PADI4: variants seen among roughly 807,000 people sequenced by gnomAD.
PADI4 encodes the protein protein-arginine deiminase type-4.
In PADI4, 62 loss-of-function variants were observed where a neutral mutation model predicts 75.0. The observed-to-expected ratio is 0.83, with a 90% CI of 0.67 to 1.02. The LOEUF (loss-of-function observed/expected upper bound fraction) is 1.02. PADI4 is among the 50% of genes least tolerant of loss of function. PADI4 has a pLI of 0.00. For synonymous variants in PADI4, 361 were observed against 348.1 expected (o/e 1.04, Z -0.41); for missense variants, 845 against 850.5 (o/e 0.99, Z 0.08).
chr1:17,324,007 T>A (rs947331030), intron 1 of PADI4, among the ~76,000 whole-genome samples: 1 of 152,214 alleles, frequency 6.6e-6, no homozygotes. Flanking sequence ...AGACCATGTT[T>A]CATTGTTCAC....
chr1:17,359,413 G>C lies in PADI4; in HGVS notation c.1758+5G>C. On this transcript the variant is annotated splice_donor_5th_base_variant and intron_variant, in intron 15 of 15. Coordinates refer to ENST00000375448, the MANE Select transcript of PADI4 (RefSeq NM_012387.3). ...GAAGCTTTTTTCCCCAACATGGTGA[G>C]GAGGTGGCGGCTTTAAAACCCCAGG... 6.2e-7 allele frequency: 1 copy of C among 1,614,054 alleles called. No homozygotes were observed. Among genetic ancestry groups the C allele is most frequent in the Non-Finnish European group, 8.5e-7 (1 of 1,179,964 alleles).
intron 11 of PADI4, among the ~76,000 whole-genome samples, chr1:17,355,068 T>C (rs1216430632): frequency 6.6e-6 from 1 of 152,138 alleles, no homozygotes; most frequent in Non-Finnish European, 1.5e-5. Context: ...ACGGGAGGAA[T>C]AGGAACTGTT....
chr1:17,314,331 A>G (rs1350937171), intron 1 of PADI4, among the ~76,000 whole-genome samples: 1 of 152,174 alleles, frequency 6.6e-6, no homozygotes, highest in Non-Finnish European at 1.5e-5. Context: ...AAGGAAAACA[A>G]CAGCACACAG....
chr1:17,351,965 G>A (rs866427043), intron 10 of PADI4, among the ~76,000 whole-genome samples: 1,626 of 65,868 alleles, frequency 0.025, 63 homozygotes, highest in African/African-American at 0.039. Context: ...GAGGAGAGGC[G>A]GCCAGGGAGG....
intron 1 of PADI4, among the ~76,000 whole-genome samples, chr1:17,325,091 A>T (rs1308285226): frequency 6.6e-6 from 1 of 152,248 alleles, no homozygotes; most frequent in Non-Finnish European, 1.5e-5. Context: ...TGACCAACTT[A>T]GTTCCTGGAT....
chr1:17,356,930 A>T lies in PADI4; in HGVS notation c.1558+471A>T, dbSNP rs2074770366. The stretch of plus-strand genomic sequence containing the variant: ...AGCACAGATGAAATATTACTCTCTC[A>T]GCAGAGCTCACAGACATGGGCCAGG... On this transcript the variant is annotated intron_variant, in intron 13 of 15. Coordinates refer to ENST00000375448, the MANE Select transcript of PADI4 (RefSeq NM_012387.3). This position sits in a 1 kb window ranked among gnomAD's most constrained non-coding sequence, Gnocchi z 4.1. 6.6e-6 allele frequency among the ~76,000 whole-genome samples: 1 copy of T among 152,212 alleles called. No homozygotes were observed. The highest frequency in any genetic ancestry group is 1.5e-5 in the Non-Finnish European group (1 of 68,024).
intron 1 of PADI4, among the ~76,000 whole-genome samples, chr1:17,321,043 G>A (rs961885702): frequency 6.6e-6 from 1 of 152,158 alleles, no homozygotes; most frequent in Non-Finnish European, 1.5e-5. Flanking sequence ...CTAGGGTGTG[G>A]TCATCTTTGG....
At chr1:17,332,631 T>G (rs2074234857) in intron 2 of PADI4, among the ~76,000 whole-genome samples, 1 of 152,140 alleles carries the variant, frequency 6.6e-6, no homozygotes, top group African/African-American at 2.4e-5. Flanking sequence ...AGGATATGGA[T>G]GTATCTTTTT....
At chr1:17,355,545 A>C (rs1394924749) in intron 11 of PADI4, among the ~76,000 whole-genome samples, 2 of 152,140 alleles carry the variant, frequency 1.3e-5, no homozygotes, top group Non-Finnish European at 2.9e-5. Flanking sequence ...TCTCAAAAAA[A>C]AAAAAAAAAG....
chr1:17,339,331 G>A (rs564625075), intron 5 of PADI4, among the ~76,000 whole-genome samples: 3 of 152,120 alleles, frequency 2.0e-5, no homozygotes, highest in East Asian at 1.9e-4. Flanking sequence ...AATCTCAGCC[G>A]AGCGCCTGCC....
Position 17,338,084 on chromosome 1 carries a change from T to A in PADI4, c.455T>A (p.Val152Glu). 8 of 1,613,760 alleles carry A rather than the reference T, an allele frequency of 5.0e-6. No individual in the cohort carries two copies. Among genetic ancestry groups the A allele is most frequent in the Non-Finnish European group, 6.8e-6 (8 of 1,179,776 alleles). ...GPCGQGAILLVNCDRDNLESS... is the reference protein window; with the variant it reads ...GPCGQGAILLENCDRDNLESS... Reference sequence around the variant, plus strand: ...TGTGGACAGGGTGCCATCCTGCTGGTGAACTGTGACAGAGACAATCTCGAA... The same window carrying A: ...TGTGGACAGGGTGCCATCCTGCTGGAGAACTGTGACAGAGACAATCTCGAA... Residue 152 changes from valine (V) to glutamate (E), a missense_variant, in exon 5 of 16, where the codon GTG becomes GAG. Coordinates refer to ENST00000375448, the MANE Select transcript of PADI4 (RefSeq NM_012387.3).
intron 1 of PADI4, among the ~76,000 whole-genome samples, chr1:17,309,142 T>A (rs1340781058): frequency 6.4e-5 from 1 of 15,660 alleles, no homozygotes; most frequent in Non-Finnish European, 6.4e-4. Context: ...CTCAGTTCTA[T>A]GTTAAAAAAA....
At chr1:17,326,981 G>C (rs2074127266) in intron 1 of PADI4, among the ~76,000 whole-genome samples, 2 of 146,986 alleles carry the variant, frequency 1.4e-5, no homozygotes, top group South Asian at 4.3e-4. Flanking sequence ...TGCAATATTG[G>C]CTCACTGCAA....
chr1:17,355,720 C>G (rs16825849), intron 11 of PADI4, among the ~76,000 whole-genome samples: 4,937 of 152,304 alleles, frequency 0.032, 244 homozygotes, highest in African/African-American at 0.11. Flanking sequence ...AGCATCTCAT[C>G]TAACTCAAGA....
intron 8 of PADI4, among the ~76,000 whole-genome samples, chr1:17,342,952 G>A (rs2100745002): frequency 6.6e-6 from 1 of 152,314 alleles, no homozygotes; most frequent in Non-Finnish European, 1.5e-5. Flanking sequence ...TCCAGCCTGG[G>A]CAACACAGTG....
At chr1:17,310,924 C>G (rs1291475877) in intron 1 of PADI4, among the ~76,000 whole-genome samples, 1 of 152,190 alleles carries the variant, frequency 6.6e-6, no homozygotes, top group South Asian at 2.1e-4. Flanking sequence ...TGGTGAAACG[C>G]CGTCTCTACT....
chr1:17,322,312 A>G (rs1035135446), intron 1 of PADI4, among the ~76,000 whole-genome samples: 3 of 152,162 alleles, frequency 2.0e-5, no homozygotes, highest in Non-Finnish European at 4.4e-5. Flanking sequence ...ATATGGTGAA[A>G]CCCTATCTCT....
intron 1 of PADI4, among the ~76,000 whole-genome samples, chr1:17,323,447 C>G (rs2074065454): frequency 6.6e-6 from 1 of 152,150 alleles, no homozygotes; most frequent in Non-Finnish European, 1.5e-5. Context: ...GTCTGTCCAC[C>G]ATATACTTTT....
chr1:17,351,454 A>G (rs1297771426), intron 10 of PADI4, among the ~76,000 whole-genome samples: 3 of 151,318 alleles, frequency 2.0e-5, no homozygotes, highest in African/African-American at 4.9e-5. Flanking sequence ...AAAAATAAAA[A>G]TAAAAATAAG....
Sources: gnomAD v4.1 joint callset for allele counts (sites outside exome capture counted in the v4.1 genomes callset) on GRCh38, gnomAD v4.1.1 for gene constraint, Gnocchi (gnomAD v3.1) non-coding constraint, MANE v1.5 for transcripts, NCBI Gene and HGNC (gene_info 2026-07-23, HGNC 2026-07-21) for gene names.